The following DTL variants were observed in gnomAD, a reference collection of about 807,000 sequenced individuals.
DTL encodes denticleless E3 ubiquitin protein ligase adapter, also known as denticleless protein homolog.
A neutral mutation model predicts 87.0 loss-of-function variants in DTL; 46 were observed. The observed-to-expected ratio is 0.53, with a 90% CI of 0.42 to 0.68. DTL has a LOEUF of 0.68. Ranked by LOEUF, DTL falls within the 30% of genes least tolerant of loss-of-function variation. The pLI, the probability that DTL is intolerant of heterozygous loss-of-function variation, is 0.00. For synonymous variants in DTL, 308 were observed against 311.2 expected, an observed-to-expected ratio of 0.99 and a Z score of 0.11; for missense variants, 737 against 869.4, an observed-to-expected ratio of 0.85 and a Z score of 1.91.
intron 9 of DTL, 99 bp from the exon 10 acceptor site, chr1:212,068,500 T>C: frequency 1.1e-6 from 1 of 877,914 alleles, no homozygotes; most frequent in Non-Finnish European, 1.8e-6. Flanking sequence ...AGAATTCTGA[T>C]GATGATTCTT....
chr1:212,046,934 G>A (rs1281749885), intron 3 of DTL, among the ~76,000 whole-genome samples: 1 of 152,074 alleles, frequency 6.6e-6, no homozygotes, highest in East Asian at 1.9e-4. Context: ...CTATCTCTCC[G>A]CAGCCTTGCC....
At chr1:212,098,355 C>T (rs2102586466) in intron 13 of DTL, among the ~76,000 whole-genome samples, 1 of 152,294 alleles carries the variant, frequency 6.6e-6, no homozygotes, top group Non-Finnish European at 1.5e-5. Context: ...TGGTTGGCCT[C>T]CAGCCAGGAG....
intron 13 of DTL, among the ~76,000 whole-genome samples, chr1:212,081,386 A>G (rs1011305298): frequency 6.6e-6 from 1 of 152,258 alleles, no homozygotes; most frequent in African/African-American, 2.4e-5. Context: ...CTAGGGCTGC[A>G]GCAGGCAAAG....
chr1:212,091,555 C>A (rs939388427), intron 13 of DTL, among the ~76,000 whole-genome samples: 8 of 152,166 alleles, frequency 5.3e-5, no homozygotes, highest in Non-Finnish European at 8.8e-5. Flanking sequence ...CCTAAGTATT[C>A]ATCAGATAAA....
At chr1:212,057,151 A>T (rs1260901027) in intron 5 of DTL, among the ~76,000 whole-genome samples, 1 of 152,072 alleles carries the variant, frequency 6.6e-6, no homozygotes, top group Non-Finnish European at 1.5e-5. Flanking sequence ...AGGCTCCAAG[A>T]TCCCCACATG....
In DTL at chr1:212,078,867, A is replaced by G. The variant is rs181843730; in HGVS notation, c.1125+605A>G. Among the ~76,000 whole-genome samples, 11 of 152,304 alleles carry G rather than the reference A, an allele frequency of 7.2e-5. No homozygotes were observed. The Middle Eastern group carries it at 0.01, about 141-fold the overall frequency. ...CAGAAACATTAAAAACTATGTATCT[A>G]TTGGAATTGCATATAATAGTAGCTC... is the stretch of plus-strand genomic sequence containing the variant. On this transcript the variant is annotated intron_variant, in intron 12 of 14. Transcript: ENST00000366991.
chr1:212,102,436 A>T (rs764500146), intron 14 of DTL, among the ~76,000 whole-genome samples: 7 of 152,232 alleles, frequency 4.6e-5, no homozygotes, highest in Non-Finnish European at 1.0e-4. Context: ...AACATTTCTT[A>T]AAAATTTTTT....
intron 6 of DTL, among the ~76,000 whole-genome samples, chr1:212,063,782 A>C (rs572884887): frequency 6.6e-6 from 1 of 152,322 alleles, no homozygotes; most frequent in Admixed American, 6.5e-5. Flanking sequence ...TGATACATAT[A>C]TAGAACATGA....
intron 12 of DTL, among the ~76,000 whole-genome samples, chr1:212,078,884 T>A (rs559577663): frequency 3.0e-4 from 45 of 152,324 alleles, no homozygotes; most frequent in African/African-American, 1.1e-3. Context: ...TTGCATATAA[T>A]AGTAGCTCAA....
At chr1:212,088,348 A>T (rs1300568586) in intron 13 of DTL, among the ~76,000 whole-genome samples, 2 of 152,226 alleles carry the variant, frequency 1.3e-5, no homozygotes, top group African/African-American at 2.4e-5. Flanking sequence ...ATGAAACTTA[A>T]CAAACATTGT....
intron 6 of DTL, among the ~76,000 whole-genome samples, chr1:212,064,269 C>T (rs1654425801): frequency 6.6e-6 from 1 of 152,056 alleles, no homozygotes; most frequent in South Asian, 2.1e-4. Flanking sequence ...CAGAGAGTTC[C>T]CATATAGCCC....
At chr1:212,048,463 T>C (rs1667869689) in intron 5 of DTL, among the ~76,000 whole-genome samples, 1 of 152,210 alleles carries the variant, frequency 6.6e-6, no homozygotes, top group Admixed American at 6.5e-5. Flanking sequence ...AGTGCTGGGA[T>C]TACAGGCATG....
intron 12 of DTL, among the ~76,000 whole-genome samples, chr1:212,079,587 C>G (rs891916924): frequency 6.6e-6 from 1 of 152,098 alleles, no homozygotes; most frequent in Non-Finnish European, 1.5e-5. Context: ...ATTGTGGTTA[C>G]TTTGGGCAAA....
intron 5 of DTL, 62 bp downstream of exon 5, chr1:212,047,479 C>T (rs1435101299): frequency 2.5e-6 from 4 of 1,594,940 alleles, no homozygotes; most frequent in Admixed American, 3.4e-5. Flanking sequence ...AGATAAGAAC[C>T]TGTAATTGTT....
At chr1:212,066,687 G>A in intron 7 of DTL, 125 bp from the exon 8 acceptor site, 1 of 692,840 alleles carries the variant, frequency 1.4e-6, no homozygotes, top group East Asian at 2.7e-5. Flanking sequence ...ATCTGATCGA[G>A]ATCATTAGAC....
chr1:212,057,340 A>G (rs1018104505), intron 5 of DTL, among the ~76,000 whole-genome samples: 2 of 140,084 alleles, frequency 1.4e-5, no homozygotes, highest in Admixed American at 1.5e-4. Context: ...GAATGAGATG[A>G]TATATTCAAC....
chr1:212,068,624 C>T lies in DTL; in HGVS notation c.843C>T (p.Ser281=). ...KLGYSSLILD[S]TGSTLFANCT... is the part of the protein sequence containing the mutation. ...GATATTCAAGTCTGATTTTGGATTCCACTGGCTCTACTTTATTTGCTAATT... is the reference window on the plus strand; with the variant it reads ...GATATTCAAGTCTGATTTTGGATTCTACTGGCTCTACTTTATTTGCTAATT... The change falls in exon 10 of 15, where the codon TCC becomes TCT. Residue 281 remains serine, a synonymous_variant. Coordinates refer to ENST00000366991, the MANE Select transcript of DTL (RefSeq NM_016448.4). The T allele has an allele frequency of 1.2e-6, 2 of 1,612,824 alleles. No homozygotes were observed. Among genetic ancestry groups the T allele is most frequent in the Non-Finnish European group, 1.7e-6 (2 of 1,179,212 alleles).
chr1:212,062,662 CAG>C lies in DTL; in HGVS notation c.461-219_461-218del, dbSNP rs373984038. 3.2e-4 allele frequency among the ~76,000 whole-genome samples: 48 copies of C among 152,240 alleles called. 1 individual carries two copies. The highest frequency in any genetic ancestry group is 9.9e-4 in the African/African-American group (41 of 41,540). On this transcript the variant is annotated intron_variant, in intron 5 of 14. Coordinates refer to ENST00000366991, the MANE Select transcript of DTL (RefSeq NM_016448.4). ...TTTTATATGGGTTTTAAAAAATTTA[CAG>C]AGGGGTGATTCTATGAAGTTTTGGT...
At chr1:212,056,111 C>T (rs1470546462) in intron 5 of DTL, among the ~76,000 whole-genome samples, 1 of 152,176 alleles carries the variant, frequency 6.6e-6, no homozygotes, top group East Asian at 1.9e-4. Context: ...ACACCTCCTG[C>T]CCAGGGGCTC....
Sources: gnomAD v4.1 joint callset for allele counts (sites outside exome capture counted in the v4.1 genomes callset) on GRCh38, gnomAD v4.1.1 for gene constraint, MANE v1.5 for transcripts, NCBI Gene and HGNC (gene_info 2026-07-23, HGNC 2026-07-21) for gene names.